CNTN1: variants seen among roughly 807,000 people sequenced by gnomAD.
The protein encoded by CNTN1 is contactin 1.
A neutral mutation model predicts 126.4 loss-of-function variants in CNTN1; 38 were observed. The observed-to-expected ratio is 0.30, with a 90% CI of 0.23 to 0.39. The LOEUF is 0.39. Among genes scored for constraint, CNTN1 ranks in the 10% least tolerant of loss-of-function variants. The pLI is 1.00. For missense variants in CNTN1, 1,009 were observed against 1,248.4 expected, an observed-to-expected ratio of 0.81 and a Z score of 2.89; for synonymous variants, 413 against 422.6, an observed-to-expected ratio of 0.98 and a Z score of 0.28.
intron 1 of CNTN1, among the ~76,000 whole-genome samples, chr12:40,901,331 C>T (rs1944600763): frequency 6.6e-6 from 1 of 152,118 alleles, no homozygotes; most frequent in Non-Finnish European, 1.5e-5. Context: ...TTTAATAACG[C>T]TAAGTCAGTG....
intron 18 of CNTN1, among the ~76,000 whole-genome samples, chr12:41,016,371 C>T (rs1418592432): frequency 6.6e-6 from 1 of 151,868 alleles, no homozygotes; most frequent in East Asian, 1.9e-4. Context: ...GATTTTACCT[C>T]GGGAAAGTGA....
chr12:41,045,956 T>G (rs1949530502), intron 23 of CNTN1, among the ~76,000 whole-genome samples: 1 of 151,938 alleles, frequency 6.6e-6, no homozygotes, highest in African/African-American at 2.4e-5. Flanking sequence ...CCAGGAGAAG[T>G]AAGAAGAGTG....
At chr12:40,917,061 C>CGGGGT (rs764251956) in intron 3 of CNTN1, among the ~76,000 whole-genome samples, 907 of 27,106 alleles carry the variant, frequency 0.033, 11 homozygotes, top group South Asian at 0.056. Flanking sequence ...GTGGTGGGGG[C>CGGGGT]GGGGGGGGGG....
At chr12:40,713,841 T>C (rs1388874138) in intron 1 of CNTN1, among the ~76,000 whole-genome samples, 1 of 152,124 alleles carries the variant, frequency 6.6e-6, no homozygotes, top group Non-Finnish European at 1.5e-5. Context: ...GTCATATGTC[T>C]TTTCCACATT....
chr12:41,032,245 T>C (rs1949159083), intron 23 of CNTN1, among the ~76,000 whole-genome samples: 1 of 151,774 alleles, frequency 6.6e-6, no homozygotes, highest in African/African-American at 2.4e-5. Flanking sequence ...AATCAAATCA[T>C]ATAACTCTCC....
intron 15 of CNTN1, chr12:40,971,690 A>G: frequency 7.1e-7 from 1 of 1,407,062 alleles, no homozygotes; most frequent in East Asian, 2.8e-5. Context: ...TTTTTAAAAT[A>G]TAACTATAAT....
chr12:40,991,182 G>A (rs1033840805), intron 16 of CNTN1, among the ~76,000 whole-genome samples: 3 of 152,034 alleles, frequency 2.0e-5, no homozygotes, highest in African/African-American at 7.2e-5. Context: ...GCTTCTGATG[G>A]CTCCACATAT....
At chr12:40,812,343 A>G (rs1455004873) in intron 1 of CNTN1, among the ~76,000 whole-genome samples, 1 of 152,074 alleles carries the variant, frequency 6.6e-6, no homozygotes, top group East Asian at 1.9e-4. Context: ...TGAGAAGAAT[A>G]TGTATTCTGC....
At chr12:40,878,311 A>AATT (rs1284159205) in intron 1 of CNTN1, among the ~76,000 whole-genome samples, 1 of 151,970 alleles carries the variant, frequency 6.6e-6, no homozygotes, top group Non-Finnish European at 1.5e-5. Context: ...ACAATTAAAA[A>AATT]AAAAAAAAGA....
intron 1 of CNTN1, among the ~76,000 whole-genome samples, chr12:40,784,247 G>A (rs1034768253): frequency 1.3e-5 from 2 of 152,024 alleles, no homozygotes; most frequent in Non-Finnish European, 2.9e-5. Context: ...TAGAAAGTGG[G>A]GATTTAAAAT....
intron 12 of CNTN1, among the ~76,000 whole-genome samples, chr12:40,940,312 A>T (rs186927761): frequency 7.2e-5 from 11 of 152,198 alleles, no homozygotes; most frequent in African/African-American, 2.4e-4. Flanking sequence ...TTAGAGGAAA[A>T]TGGAGGAGAC....
chr12:40,793,481 T>C (rs1161927606), intron 1 of CNTN1, among the ~76,000 whole-genome samples: 1 of 146,664 alleles, frequency 6.8e-6, no homozygotes, highest in Non-Finnish European at 1.5e-5. Context: ...AAAAAAAAAA[T>C]CAGGTTGTAT....
chr12:40,755,668 C>A (rs1592052187), intron 1 of CNTN1, among the ~76,000 whole-genome samples: 1 of 152,044 alleles, frequency 6.6e-6, no homozygotes, highest in Middle Eastern at 3.4e-3. Context: ...TATGATTGTA[C>A]CAGTGCATTT....
At chr12:40,710,860 C>G (rs1941895151) in intron 1 of CNTN1, among the ~76,000 whole-genome samples, 1 of 152,084 alleles carries the variant, frequency 6.6e-6, no homozygotes, top group Admixed American at 6.6e-5. Flanking sequence ...TCTTGCTGTT[C>G]TCAACAATTA....
intron 1 of CNTN1, among the ~76,000 whole-genome samples, chr12:40,902,210 T>C (rs1468029334): frequency 6.6e-6 from 1 of 152,224 alleles, no homozygotes; most frequent in African/African-American, 2.4e-5. Context: ...CATATCCATA[T>C]ACATGCATTA....
At chr12:41,028,577 C>A (rs991655181) in intron 22 of CNTN1, among the ~76,000 whole-genome samples, 8 of 152,046 alleles carry the variant, frequency 5.3e-5, no homozygotes, top group Admixed American at 2.6e-4. Context: ...CAGAAAACTC[C>A]TTGATAAACT....
intron 15 of CNTN1, among the ~76,000 whole-genome samples, chr12:40,960,828 T>C (rs1255740044): frequency 2.0e-5 from 3 of 152,064 alleles, no homozygotes; most frequent in African/African-American, 4.8e-5. Flanking sequence ...GTTAAGTCAT[T>C]TCCAGAAGTA....
chr12:40,770,025 G>A (rs1005565871), intron 1 of CNTN1, among the ~76,000 whole-genome samples: 1 of 152,092 alleles, frequency 6.6e-6, no homozygotes, highest in Non-Finnish European at 1.5e-5. Flanking sequence ...TTGCACTCAG[G>A]CACAGTGTTC....
At chr12:40,998,218 GC>G (rs1454543818) in intron 17 of CNTN1, among the ~76,000 whole-genome samples, 1 of 152,118 alleles carries the variant, frequency 6.6e-6, no homozygotes, top group Non-Finnish European at 1.5e-5. Flanking sequence ...AAAGAAGAAA[GC>G]GGTCATTTTT....
Sources: allele counts gnomAD v4.1 joint callset (sites outside exome capture counted in the v4.1 genomes callset), GRCh38; gene constraint gnomAD v4.1.1; transcripts MANE v1.5; gene names NCBI Gene and HGNC (gene_info 2026-07-23, HGNC 2026-07-21).